Variants in TAB3 observed in about 807,000 individuals in gnomAD.
TAB3 encodes TGF-beta-activated kinase 1 and MAP3K7-binding protein 3.
A neutral mutation model predicts 48.1 loss-of-function variants in TAB3; 18 were observed. That is an observed-to-expected ratio of 0.37 (90% confidence interval 0.26 to 0.55). The LOEUF (loss-of-function observed/expected upper bound fraction) is 0.55. TAB3 is among the 20% of genes least tolerant of loss of function. TAB3 has a pLI of 0.78. For synonymous variants in TAB3, 185 were observed against 190.2 expected, an observed-to-expected ratio of 0.97 and a Z score of 0.22; for missense variants, 414 against 549.8, an observed-to-expected ratio of 0.75 and a Z score of 2.47.
intron 10 of TAB3, among the ~76,000 whole-genome samples, chrX:30,832,971 TTC>T (rs1331044439): frequency 9.6e-6 from 1 of 103,754 alleles, no homozygotes; most frequent in Non-Finnish European, 1.9e-5. Flanking sequence ...TTTTCTTTCT[TTC>T]TTTTTTTTTT....
chrX:30,842,966 C>CT lies in TAB3; in HGVS notation c.1887dup (p.Asp630ArgfsTer9). 1 of 1,129,034 alleles carries CT rather than the reference C, an allele frequency of 8.9e-7. No homozygotes were observed. The highest frequency in any genetic ancestry group is 1.2e-6 in the Non-Finnish European group (1 of 842,933). 93.0% of individuals were successfully genotyped at this position (1,129,034 alleles called of 1,213,427 possible). ...TATTTGTGACATTTTTCATACTCAC[C>CT]TTTTTTAGATGGCTTGGGTGGTACA... On this transcript the variant is annotated frameshift_variant and splice_region_variant, in exon 9 of 11. Coordinates refer to ENST00000288422, the MANE Select transcript of TAB3 (RefSeq NM_152787.5). LOFTEE classifies it high-confidence loss of function.
chrX:30,831,279 A>T lies in TAB3; in HGVS notation c.*148T>A. 7.7e-6 allele frequency: 5 copies of T among 648,942 alleles called. No homozygotes were observed. The highest frequency in any genetic ancestry group is 1.1e-5 in the Non-Finnish European group (5 of 456,794). The allele number at this position is 648,942 out of a possible 1,213,427, so 53.5% of individuals were successfully genotyped here. ...AGACCTCCCCATTTTTCCTTTCGTG[A>T]GCACAACGACGACCACAAAGCCATT... On this transcript the variant is annotated 3_prime_UTR_variant, in exon 11 of 11. Coordinates refer to ENST00000288422, the MANE Select transcript of TAB3 (RefSeq NM_152787.5).
At position 30,827,833 on chromosome X, in the gene TAB3, A is replaced by G. The variant is rs183480636; in HGVS notation, c.*3594T>C. 8.9e-6 allele frequency: 1 copy of G among 112,718 alleles called. No individual in the cohort carries two copies. The highest frequency in any genetic ancestry group is 2.8e-4 in the East Asian group (1 of 3,614). 9.3% of individuals were successfully genotyped at this position (112,718 alleles called of 1,213,427 possible). A position where few individuals can be genotyped will look rare whatever the true frequency, so the allele number is the denominator to read the frequency against. On this transcript the variant is annotated 3_prime_UTR_variant, in exon 11 of 11. Transcript: ENST00000288422. ...TATTAAATATTTGGGGATGCAAATA[A>G]TACAGGAAAAAAAGTCTGGTGAATG...
chrX:30,838,987 CT>C (rs1419515617), intron 9 of TAB3, among the ~76,000 whole-genome samples: 33 of 104,314 alleles, frequency 3.2e-4, no homozygotes, highest in South Asian at 4.1e-4. Context: ...AATATTTATG[CT>C]TTTTTTTTTT....
chrX:30,843,820 G>A (rs1342304527), intron 8 of TAB3: 1 of 111,488 alleles, frequency 9.0e-6, no homozygotes, highest in Non-Finnish European at 1.9e-5. Context: ...TCTCCTCCAA[G>A]GTTGGTTTTG....
In TAB3 at chrX:30,837,041, C is replaced by CT. The variant is rs370702875; in HGVS notation, c.1889-2890dup. ...CCAAAGACAGAAGGCAAAATGACAT[C>CT]TTTTTTTTTTTTTTTTTTTTTTTTG... On this transcript the variant is annotated intron_variant, in intron 9 of 10. Coordinates refer to ENST00000288422, the MANE Select transcript of TAB3 (RefSeq NM_152787.5). Among the ~76,000 whole-genome samples, 235 of 36,520 alleles carry CT rather than the reference C, an allele frequency of 6.4e-3. 1 individual carries two copies. Among genetic ancestry groups the CT allele is most frequent in the South Asian group, 0.019 (10 of 519 alleles). 31.7% of individuals were successfully genotyped at this position (36,520 alleles called of 115,157 possible).
intron 4 of TAB3, among the ~76,000 whole-genome samples, chrX:30,860,481 C>T (rs769974654): frequency 9.0e-6 from 1 of 111,616 alleles, no homozygotes; most frequent in South Asian, 3.7e-4. Flanking sequence ...CCAATGAGGG[C>T]CAGATGGACT....
At chrX:30,833,745 G>T (rs1309887180) in intron 10 of TAB3, among the ~76,000 whole-genome samples, 1 of 106,068 alleles carries the variant, frequency 9.4e-6, no homozygotes, top group Admixed American at 1.0e-4. Context: ...GCAGGAGAAT[G>T]GTGTGAACCC....
At chrX:30,861,443 T>C (rs1047127493) in intron 4 of TAB3, among the ~76,000 whole-genome samples, 1 of 109,610 alleles carries the variant, frequency 9.1e-6, no homozygotes, top group African/African-American at 3.3e-5. Context: ...GGGAAAAAAA[T>C]TGGTTTACGC....
At chrX:30,874,088 C>T (rs1939749598) in intron 1 of TAB3, among the ~76,000 whole-genome samples, 1 of 111,607 alleles carries the variant, frequency 9.0e-6, no homozygotes, top group Non-Finnish European at 1.9e-5. Context: ...GGAAGGATCA[C>T]TTGAGCCCAG....
At chrX:30,851,677 C>T (rs1938857208) in intron 7 of TAB3, among the ~76,000 whole-genome samples, 1 of 112,087 alleles carries the variant, frequency 8.9e-6, no homozygotes, top group African/African-American at 3.2e-5. Context: ...GGAGTGGCTG[C>T]AGACATGCTG....
Position 30,827,500 on chromosome X carries a change from T to C in TAB3, c.*3927A>G, listed in dbSNP as rs1937926535. 8.9e-6 allele frequency: 1 copy of C among 112,840 alleles called. No homozygotes were observed. The highest frequency in any genetic ancestry group is 1.9e-5 in the Non-Finnish European group (1 of 53,329). The allele number at this position is 112,840 out of a possible 1,213,427, so 9.3% of individuals were successfully genotyped here. Reference sequence around the variant, plus strand: ...AATCTTTGACTTTCCGAATATGTACTGTTTGGAGGTACGATGCATGCAGAG... The same window carrying C: ...AATCTTTGACTTTCCGAATATGTACCGTTTGGAGGTACGATGCATGCAGAG... On this transcript the variant is annotated 3_prime_UTR_variant, in exon 11 of 11. Coordinates refer to ENST00000288422, the MANE Select transcript of TAB3 (RefSeq NM_152787.5).
In TAB3 at chrX:30,830,911, T is replaced by TTCC. The variant is rs1186906607; in HGVS notation, c.*515_*516insGGA. 1.9e-3 allele frequency: 54 copies of TTCC among 28,137 alleles called. 2 individuals carry two copies. The highest frequency in any genetic ancestry group is 2.8e-3 in the Non-Finnish European group (36 of 12,648). The allele number at this position is 28,137 out of a possible 1,213,427, so 2.3% of individuals were successfully genotyped here. ...CAATTACAAATACCCTTAATTAATT[T>TTCC]GCCCCCCCCCCCCAAATATTCTAGG... On this transcript the variant is annotated 3_prime_UTR_variant, in exon 11 of 11. Coordinates refer to ENST00000288422, the MANE Select transcript of TAB3 (RefSeq NM_152787.5).
intron 8 of TAB3, 82 bp from the exon 9 acceptor site, chrX:30,843,131 TA>T: frequency 1.9e-6 from 1 of 525,252 alleles, no homozygotes; most frequent in Middle Eastern, 4.0e-4. Flanking sequence ...AATATGTAAA[TA>T]AAACACATAA....
intron 9 of TAB3, among the ~76,000 whole-genome samples, chrX:30,841,394 G>A (rs1244076058): frequency 1.0e-5 from 1 of 98,078 alleles, no homozygotes; most frequent in Non-Finnish European, 2.1e-5. Flanking sequence ...CAGCCTGGGT[G>A]ACAGAGAGAG....
At position 30,855,639 on chromosome X, in the gene TAB3, A is replaced by T. The variant is rs148412357; in HGVS notation, c.103-77T>A. 4.3e-3 allele frequency: 4,207 copies of T among 970,489 alleles called. 59 individuals are homozygous for T. The African/African-American group carries it at 0.054, about 12-fold the overall frequency. 80.0% of individuals were successfully genotyped at this position (970,489 alleles called of 1,213,427 possible). ...TAGTGGAAGTCAGGCTTTGCCAGAG[A>T]GTTATGCAAATACTACTGTCACAGA... On this transcript the variant is annotated intron_variant, in intron 5 of 10. Transcript: ENST00000288422.
intron 2 of TAB3, among the ~76,000 whole-genome samples, chrX:30,870,126 C>G (rs1448646326): frequency 8.9e-6 from 1 of 112,262 alleles, no homozygotes; most frequent in African/African-American, 3.2e-5. Context: ...GAGAAACCCT[C>G]TGGATATGAC....
chrX:30,873,082 AAATACAATGAGTAGATCCTGTTGC>A (rs2147397229), intron 1 of TAB3, among the ~76,000 whole-genome samples: 1 of 112,320 alleles, frequency 8.9e-6, no homozygotes, highest in South Asian at 3.7e-4. Context: ...GGGTATAACC[AAATACAATGAGTAGATCCTGTTGC>A]AAACAAACCA....
Position 30,854,883 on chromosome X carries a change from T to A in TAB3, c.782A>T (p.Tyr261Phe). ...ATAAACAGGTAAAGGACGCTGGCTA[T>A]AGTGAGGCACTGGGCCCTGTGGTGA... ...QSSPQGPVPHYSQRPLPVYPH... is the reference protein window; with the variant it reads ...QSSPQGPVPHFSQRPLPVYPH... Residue 261 changes from tyrosine to phenylalanine, a missense_variant, in exon 6 of 11, where the codon TAT becomes TTT. Coordinates refer to ENST00000288422, the MANE Select transcript of TAB3 (RefSeq NM_152787.5). 1.7e-6 allele frequency: 2 copies of A among 1,210,934 alleles called. No homozygotes were observed. Among genetic ancestry groups the A allele is most frequent in the Non-Finnish European group, 2.2e-6 (2 of 895,050 alleles).
Sources: allele counts gnomAD v4.1 joint callset (sites outside exome capture counted in the v4.1 genomes callset), GRCh38; gene constraint gnomAD v4.1.1; transcripts MANE v1.5; gene names NCBI Gene and HGNC (gene_info 2026-07-23, HGNC 2026-07-21).